The following MROH1 variants were observed in gnomAD, a reference collection of about 807,000 sequenced individuals.
The protein encoded by MROH1 is maestro heat-like repeat-containing protein family member 1.
Under a neutral mutation model 116.5 loss-of-function variants are expected in MROH1, and 117 were observed. The ratio of observed to expected loss-of-function variants is 1.00; its 90% CI spans 0.86 to 1.17. MROH1 has a LOEUF of 1.17. Ranked by LOEUF, MROH1 falls within the 50% of genes most tolerant of loss-of-function variation. The pLI is 0.00. For missense variants in MROH1, 1,873 were observed against 1,338.5 expected, an observed-to-expected ratio of 1.40 and a Z score of -6.23; for synonymous variants, 921 against 583.9, an observed-to-expected ratio of 1.58 and a Z score of -8.32.
chr8:144,216,334 C>T (rs550993975), intron 12 of MROH1, among the ~76,000 whole-genome samples: 7 of 151,768 alleles, frequency 4.6e-5, no homozygotes, highest in East Asian at 3.9e-4. Context: ...ATTAGCCGGG[C>T]GTGGTGGCGG....
chr8:144,239,415 G>C (rs1840602639), intron 17 of MROH1, 52 bp downstream of exon 17: 2 of 780,132 alleles, frequency 2.6e-6, no homozygotes, highest in African/African-American at 1.7e-5. Flanking sequence ...GTGTCCCTGT[G>C]CTCCACCCAG....
intron 2 of MROH1, among the ~76,000 whole-genome samples, chr8:144,161,979 G>A (rs953190657): frequency 2.0e-5 from 3 of 152,140 alleles, no homozygotes; most frequent in Non-Finnish European, 4.4e-5. Context: ...TGCTGTGGGC[G>A]CTTTCACAGG....
At chr8:144,258,944 G>C in intron 36 of MROH1, 30 bp downstream of exon 36, 1 of 711,364 alleles carries the variant, frequency 1.4e-6, no homozygotes, top group South Asian at 1.5e-5. Context: ...TGCAGCTCCA[G>C]CACTGGCTGG....
At chr8:144,208,492 T>G (rs1486737861) in intron 12 of MROH1, among the ~76,000 whole-genome samples, 1 of 150,860 alleles carries the variant, frequency 6.6e-6, no homozygotes, top group African/African-American at 2.4e-5. Flanking sequence ...TATATCCCCC[T>G]TTTATAAGGG....
intron 12 of MROH1, among the ~76,000 whole-genome samples, chr8:144,204,984 C>G (rs564650007): frequency 6.6e-6 from 1 of 152,294 alleles, no homozygotes; most frequent in South Asian, 2.1e-4. Flanking sequence ...TACCCCACAC[C>G]TTATGTCTCA....
chr8:144,258,600 G>A (rs1425940134), intron 35 of MROH1, among the ~76,000 whole-genome samples, 177 bp from the exon 36 acceptor site: 2 of 152,198 alleles, frequency 1.3e-5, no homozygotes, highest in African/African-American at 4.8e-5. Context: ...GCCTTGGGTG[G>A]GGAAATGGGG....
intron 32 of MROH1, among the ~76,000 whole-genome samples, chr8:144,250,006 G>T (rs1842589493): frequency 6.6e-6 from 1 of 152,226 alleles, no homozygotes; most frequent in African/African-American, 2.4e-5. Context: ...TTTGCACGCA[G>T]AATCCAGGTC....
At position 144,182,848 on chromosome 8, in the gene MROH1, G is replaced by A. The variant is rs1293590863; in HGVS notation, c.562+2325G>A. Among the ~76,000 whole-genome samples the A allele has an allele frequency of 1.3e-5, 2 of 152,270 alleles. No homozygotes were observed. Among genetic ancestry groups the A allele is most frequent in the Non-Finnish European group, 2.9e-5 (2 of 68,036 alleles). ...TCCCAGCACTTTGGAAAGCCGAAGC[G>A]GGCTGATCACTTGAGGTCAGGAGTT... On this transcript the variant is annotated intron_variant, in intron 7 of 43. Coordinates refer to ENST00000326134, the MANE Select transcript of MROH1 (RefSeq NM_032450.3). The surrounding 1 kb of genome is among the most constrained non-coding windows in gnomAD (Gnocchi z 4.1).
At position 144,154,867 on chromosome 8, in the gene MROH1, G is replaced by A. The variant is rs941969670; in HGVS notation, c.-176-6103G>A. Among the ~76,000 whole-genome samples the A allele has an allele frequency of 3.3e-5, 5 of 151,890 alleles. No homozygotes were observed. The South Asian group carries it at 8.3e-4, about 25-fold the overall frequency. ...GATGGCTTGCTCTGTGGCCCAGGCT[G>A]GAGCGCAGTGGTGCAATCTCAGCTC... On this transcript the variant is annotated intron_variant, in intron 1 of 43. Coordinates refer to ENST00000326134, the MANE Select transcript of MROH1 (RefSeq NM_032450.3).
chr8:144,252,012 CT>C, intron 33 of MROH1: 1 of 226,262 alleles, frequency 4.4e-6, no homozygotes, highest in South Asian at 4.5e-5. Context: ...GCTGCCCATC[CT>C]TTCTCCTTGC....
intron 2 of MROH1, among the ~76,000 whole-genome samples, chr8:144,162,147 C>T (rs1306873064): frequency 2.0e-5 from 3 of 147,400 alleles, no homozygotes; most frequent in Non-Finnish European, 3.0e-5. Context: ...TGCAGTGGCA[C>T]GATCTCAGCT....
At chr8:144,203,262 G>T (rs1380363621) in intron 12 of MROH1, among the ~76,000 whole-genome samples, 1 of 84,282 alleles carries the variant, frequency 1.2e-5, no homozygotes, top group Non-Finnish European at 2.5e-5. Flanking sequence ...AGGGGCGGGG[G>T]GGGGGAGCGC....
chr8:144,242,914 G>A (rs1841266332), intron 24 of MROH1, among the ~76,000 whole-genome samples: 3 of 152,196 alleles, frequency 2.0e-5, no homozygotes, highest in African/African-American at 7.2e-5. Flanking sequence ...AGGACAGCTG[G>A]AACCTCCTCT....
Position 144,163,798 on chromosome 8 carries a change from A to C in MROH1, c.-29A>C. 6.2e-7 allele frequency: 1 copy of C among 1,613,126 alleles called. No homozygotes were observed. Among genetic ancestry groups the C allele is most frequent in the Non-Finnish European group, 8.5e-7 (1 of 1,179,328 alleles). ...GGGAGAAGAAGTTGTCCATGTTCAC[A>C]CTGGGTGAAGGAAGCTGAAACCACA... On this transcript the variant is annotated 5_prime_UTR_variant, in exon 3 of 44. Transcript: ENST00000326134. The surrounding 1 kb of genome is among the most constrained non-coding windows in gnomAD (Gnocchi z 4.4).
chr8:144,190,544 C>G (rs1460739107), intron 7 of MROH1, among the ~76,000 whole-genome samples: 1 of 152,064 alleles, frequency 6.6e-6, no homozygotes, highest in Non-Finnish European at 1.5e-5. Context: ...AGTGACAGAC[C>G]GAGCAAGACT....
chr8:144,252,860 G>A (rs1843067189), intron 33 of MROH1, among the ~76,000 whole-genome samples: 5 of 151,840 alleles, frequency 3.3e-5, no homozygotes, highest in Non-Finnish European at 4.4e-5. Context: ...GGAGGCTGAG[G>A]CAGGAGAATC....
intron 12 of MROH1, among the ~76,000 whole-genome samples, chr8:144,215,730 G>A (rs555713923): frequency 3.3e-5 from 5 of 151,900 alleles, no homozygotes; most frequent in South Asian, 2.1e-4. Context: ...AAAATTAGCC[G>A]GGCGTGGTGG....
intron 4 of MROH1, 51 bp from the exon 5 acceptor site, chr8:144,179,404 G>T (rs923820452): frequency 1.9e-6 from 3 of 1,602,780 alleles, no homozygotes; most frequent in Non-Finnish European, 2.6e-6. Context: ...CACTCAGAGT[G>T]TCTGGGTGTG....
chr8:144,241,161 C>G (rs1193145614), intron 21 of MROH1, 50 bp downstream of exon 21: 1 of 719,708 alleles, frequency 1.4e-6, no homozygotes, highest in South Asian at 1.5e-5. Context: ...GGCTGGAGGA[C>G]GGTGGCACCT....
Sources: gnomAD v4.1 joint callset for allele counts (sites outside exome capture counted in the v4.1 genomes callset) on GRCh38, gnomAD v4.1.1 for gene constraint, Gnocchi (gnomAD v3.1) non-coding constraint, MANE v1.5 for transcripts, NCBI Gene and HGNC (gene_info 2026-07-23, HGNC 2026-07-21) for gene names.